The following ODF2L variants were observed in gnomAD, a reference collection of about 807,000 sequenced individuals.
ODF2L encodes the protein outer dense fiber of sperm tails 2 like, also known as protein BCAP.
A neutral mutation model predicts 86.3 loss-of-function variants in ODF2L; 76 were observed. The observed-to-expected ratio is 0.88, with a 90% CI of 0.73 to 1.07. The LOEUF is 1.07. ODF2L is among the 50% of genes least tolerant of loss of function. ODF2L has a pLI of 0.00. For synonymous variants in ODF2L, 241 were observed against 231.3 expected, an observed-to-expected ratio of 1.04 and a Z score of -0.38; for missense variants, 748 against 717.4, an observed-to-expected ratio of 1.04 and a Z score of -0.49.
intron 10 of ODF2L, among the ~76,000 whole-genome samples, chr1:86,369,205 T>C (rs1427011107): frequency 6.6e-6 from 1 of 152,048 alleles, no homozygotes; most frequent in Non-Finnish European, 1.5e-5. Context: ...TGAAGAACCA[T>C]AAAGGACTTA....
intron 10 of ODF2L, among the ~76,000 whole-genome samples, chr1:86,369,751 G>A (rs1203669634): frequency 6.6e-6 from 1 of 152,094 alleles, no homozygotes; most frequent in Admixed American, 6.6e-5. Flanking sequence ...AAACAGATTG[G>A]CTCCTGAGAA....
chr1:86,395,144 G>C (rs1661642794), intron 1 of ODF2L, among the ~76,000 whole-genome samples: 1 of 152,210 alleles, frequency 6.6e-6, no homozygotes, highest in Admixed American at 6.5e-5. Flanking sequence ...CGCCCGGCCC[G>C]GTTTGTTTCT....
chr1:86,368,654 G>A, exon 11 of ODF2L: 1 of 1,441,276 alleles, frequency 6.9e-7, no homozygotes, highest in Non-Finnish European at 9.2e-7. Flanking sequence ...AAGAAATGTA[G>A]CAAAGCATAT....
At chr1:86,384,446 TTAAG>T (rs1660793213) in intron 4 of ODF2L, among the ~76,000 whole-genome samples, 2 of 150,094 alleles carry the variant, frequency 1.3e-5, no homozygotes, top group African/African-American at 4.9e-5. Flanking sequence ...ATCAGCTCAA[TTAAG>T]TATGACAAAG....
At chr1:86,375,670 G>T (rs1660118062) in intron 8 of ODF2L, among the ~76,000 whole-genome samples, 1 of 152,124 alleles carries the variant, frequency 6.6e-6, no homozygotes, top group Admixed American at 6.5e-5. Flanking sequence ...TCAGCACATG[G>T]TTTTAAATGT....
intron 11 of ODF2L, among the ~76,000 whole-genome samples, chr1:86,366,575 C>T (rs1420841466): frequency 7.1e-6 from 1 of 140,898 alleles, no homozygotes; most frequent in Non-Finnish European, 1.5e-5. Context: ...CACTGCACTC[C>T]AGCATCAGCA....
exon 15 of ODF2L, chr1:86,354,836 C>A: frequency 6.2e-7 from 1 of 1,602,550 alleles, no homozygotes; most frequent in South Asian, 1.1e-5. Flanking sequence ...AAAGCTTTGT[C>A]AGAAGATTGT....
At chr1:86,364,918 C>T (rs1659297782) in intron 11 of ODF2L, among the ~76,000 whole-genome samples, 1 of 152,190 alleles carries the variant, frequency 6.6e-6, no homozygotes, top group African/African-American at 2.4e-5. Flanking sequence ...GAAGTTGAAT[C>T]TTAACTAAGA....
chr1:86,358,537 C>T (rs1658767277), intron 13 of ODF2L: 1 of 192,884 alleles, frequency 5.2e-6, no homozygotes, highest in Non-Finnish European at 1.0e-5. Flanking sequence ...TCTGCTCTTG[C>T]ATCAGAAAAA....
At chr1:86,387,731 C>A (rs1022874200) in intron 1 of ODF2L, among the ~76,000 whole-genome samples, 1 of 152,074 alleles carries the variant, frequency 6.6e-6, no homozygotes, top group Non-Finnish European at 1.5e-5. Flanking sequence ...CAAAACTACT[C>A]CAATTTAAGT....
At chr1:86,363,418 T>C (rs1020607737) in intron 11 of ODF2L, among the ~76,000 whole-genome samples, 1 of 152,306 alleles carries the variant, frequency 6.6e-6, no homozygotes, top group African/African-American at 2.4e-5. Context: ...AGATTATTTA[T>C]AAAATTTGGA....
chr1:86,383,060 C>T (rs1185793985), intron 5 of ODF2L, 58 bp from the exon 6 acceptor site: 13 of 1,289,192 alleles, frequency 1.0e-5, no homozygotes, highest in Non-Finnish European at 1.3e-5. Context: ...TATTGGCTAA[C>T]TTTATAAAAC....
exon 8 of ODF2L, chr1:86,376,388 G>T: frequency 6.3e-7 from 1 of 1,598,372 alleles, no homozygotes; most frequent in Non-Finnish European, 8.5e-7. Flanking sequence ...CTTGATTGCA[G>T]GTTCCACTTG....
exon 18 of ODF2L, chr1:86,352,133 C>G (rs888564256): frequency 6.7e-7 from 1 of 1,481,912 alleles, no homozygotes; most frequent in Non-Finnish European, 8.9e-7. Flanking sequence ...AATCATTTAA[C>G]TCTTGAATCT....
chr1:86,390,264 T>C (rs1363645863), intron 1 of ODF2L, among the ~76,000 whole-genome samples: 3 of 151,828 alleles, frequency 2.0e-5, no homozygotes, highest in Non-Finnish European at 4.4e-5. Flanking sequence ...CTACTAAAAA[T>C]ACAAAAATTA....
intron 6 of ODF2L, 121 bp from the exon 7 acceptor site, chr1:86,382,479 C>G: frequency 6.7e-7 from 1 of 1,499,580 alleles, no homozygotes; most frequent in Non-Finnish European, 8.9e-7. Context: ...AAGCAAAGCA[C>G]TACTTTACAT....
intron 11 of ODF2L, among the ~76,000 whole-genome samples, chr1:86,364,772 G>A (rs12752063): frequency 6.6e-6 from 1 of 152,150 alleles, no homozygotes; most frequent in Non-Finnish European, 1.5e-5. Flanking sequence ...TCATGACCTA[G>A]GGATGGCAGA....
intron 13 of ODF2L, among the ~76,000 whole-genome samples, 182 bp from the exon 13 acceptor site, chr1:86,356,784 A>C (rs1465639017): frequency 2.0e-5 from 3 of 152,224 alleles, no homozygotes; most frequent in Non-Finnish European, 4.4e-5. Flanking sequence ...AAAGTGGGGT[A>C]GACTTTAGTT....
chr1:86,366,686 A>G (rs1227549318), intron 11 of ODF2L, among the ~76,000 whole-genome samples: 2 of 152,216 alleles, frequency 1.3e-5, no homozygotes, highest in African/African-American at 4.8e-5. Context: ...GTATTTTCAG[A>G]TATTTGATGA....
Sources: allele counts gnomAD v4.1 joint callset (sites outside exome capture counted in the v4.1 genomes callset), GRCh38; gene constraint gnomAD v4.1.1; transcripts MANE v1.5; gene names NCBI Gene and HGNC (gene_info 2026-07-23, HGNC 2026-07-21).